The following FAM169A variants were observed in gnomAD, a reference collection of about 807,000 sequenced individuals.
FAM169A encodes the protein soluble lamin-associated protein of 75 kDa.
Under a neutral mutation model 75.7 loss-of-function variants are expected in FAM169A, and 24 were observed. That is an observed-to-expected ratio of 0.32 (90% confidence interval 0.23 to 0.45). FAM169A has a LOEUF of 0.45. Ranked by LOEUF, FAM169A falls within the 20% of genes least tolerant of loss-of-function variation. The pLI is 1.00. For missense variants in FAM169A, 673 were observed against 784.0 expected (o/e 0.86, Z 1.69); for synonymous variants, 271 against 271.0 (o/e 1.00, Z 0.00).
In FAM169A at chr5:74,796,123, C is replaced by G. The variant is rs1299282572; in HGVS notation, c.1167G>C (p.Gln389His). The part of the protein sequence containing the change: ...SEEFLEEEPE[Q>H]RGIEFEDESS... ...TTTCATCCTCAAATTCAATCCCTCT[C>G]TGTTCAGGTTCTTCTTCCAGGAATT... Residue 389 changes from glutamine to histidine, a missense_variant, in exon 11 of 13, where the codon CAG (glutamine) becomes CAC (histidine). Around this residue, in one of 3 missense-constraint regions of FAM169A, gnomAD observed 510 missense variants for 550.9 expected, o/e 0.93. Transcript: ENST00000687041. 6.2e-7 allele frequency: 1 copy of G among 1,614,128 alleles called. No individual in the cohort carries two copies. The highest frequency in any genetic ancestry group is 2.2e-5 in the East Asian group (1 of 44,874).
At chr5:74,831,459 A>G (rs1748306937) in intron 5 of FAM169A, among the ~76,000 whole-genome samples, 1 of 152,138 alleles carries the variant, frequency 6.6e-6, no homozygotes, top group African/African-American at 2.4e-5. Context: ...ATAGAGAGTA[A>G]CTAAGGTACA....
chr5:74,782,071 G>T, intron 12 of FAM169A, 63 bp from the exon 13 acceptor site: 1 of 1,281,256 alleles, frequency 7.8e-7, no homozygotes, highest in Non-Finnish European at 1.1e-6. Flanking sequence ...TAAATTCTCA[G>T]GCTCTAATAT....
At chr5:74,838,099 A>G (rs1263578246) in intron 4 of FAM169A, among the ~76,000 whole-genome samples, 1 of 143,390 alleles carries the variant, frequency 7.0e-6, no homozygotes, top group Non-Finnish European at 1.5e-5. Context: ...AGGCGACAAG[A>G]GCGAAACTCC....
intron 1 of FAM169A, among the ~76,000 whole-genome samples, chr5:74,860,827 TAAAAAAA>T (rs11293001): frequency 1.4e-5 from 1 of 71,658 alleles, no homozygotes; most frequent in East Asian, 4.0e-4. Context: ...AATGTAGCAC[TAAAAAAA>T]AAAAAAAAAA....
intron 6 of FAM169A, among the ~76,000 whole-genome samples, chr5:74,805,525 T>A: frequency 1.4e-5 from 1 of 72,854 alleles, no homozygotes; most frequent in South Asian, 3.9e-4. Context: ...TGTGCTTCGC[T>A]TTTTTTTTTT....
intron 6 of FAM169A, among the ~76,000 whole-genome samples, chr5:74,811,316 TTTATCA>T (rs1049590052): frequency 6.6e-6 from 1 of 152,192 alleles, no homozygotes; most frequent in African/African-American, 2.4e-5. Flanking sequence ...ATTCAATTTA[TTTATCA>T]TTAGAATCAC....
At chr5:74,826,019 C>T (rs1012937867) in intron 5 of FAM169A, among the ~76,000 whole-genome samples, 15 of 152,030 alleles carry the variant, frequency 9.9e-5, no homozygotes, top group African/African-American at 2.7e-4. Flanking sequence ...CCTCCTGAAA[C>T]ATGTATTATT....
chr5:74,829,341 A>T (rs1173055178), intron 5 of FAM169A, among the ~76,000 whole-genome samples: 1 of 152,178 alleles, frequency 6.6e-6, no homozygotes, highest in Non-Finnish European at 1.5e-5. Flanking sequence ...CATAAGATAA[A>T]GGTATTTGTG....
chr5:74,792,706 A>G (rs1376094156), intron 11 of FAM169A, among the ~76,000 whole-genome samples: 1 of 152,188 alleles, frequency 6.6e-6, no homozygotes, highest in Non-Finnish European at 1.5e-5. Context: ...CAAAACCACA[A>G]TTTGATACCA....
intron 11 of FAM169A, among the ~76,000 whole-genome samples, chr5:74,784,340 T>C (rs527403450): frequency 3.7e-4 from 56 of 151,262 alleles, no homozygotes; most frequent in Admixed American, 9.9e-4. Context: ...TGAAACCCGC[T>C]CTCTACTAAA....
chr5:74,816,039 C>A (rs1747452067), intron 5 of FAM169A, among the ~76,000 whole-genome samples: 1 of 152,184 alleles, frequency 6.6e-6, no homozygotes, highest in Non-Finnish European at 1.5e-5. Context: ...TATGGACTTG[C>A]CCTGAATTCT....
At chr5:74,799,158 C>A in intron 10 of FAM169A, 1 of 1,060,484 alleles carries the variant, frequency 9.4e-7, no homozygotes, top group Non-Finnish European at 1.5e-6. Flanking sequence ...ATGGACACAT[C>A]ACAGATATTG....
At chr5:74,810,488 G>A (rs942359865) in intron 6 of FAM169A, among the ~76,000 whole-genome samples, 2 of 152,036 alleles carry the variant, frequency 1.3e-5, no homozygotes, top group Admixed American at 6.6e-5. Context: ...GGTGGCTCAC[G>A]CCTGTAATCC....
chr5:74,815,026 C>G (rs112916701), intron 5 of FAM169A, among the ~76,000 whole-genome samples: 1 of 152,030 alleles, frequency 6.6e-6, no homozygotes, highest in African/African-American at 2.4e-5. Flanking sequence ...ATGAGCTGAT[C>G]AATATAACAA....
chr5:74,841,769 A>G (rs1748879224), intron 1 of FAM169A, 90 bp from the exon 2 acceptor site: 1 of 1,116,948 alleles, frequency 9.0e-7, no homozygotes, highest in Non-Finnish European at 1.2e-6. Flanking sequence ...CAATGTTGCC[A>G]TATTTTGTTA....
At chr5:74,796,447 C>T (rs1195492080) in intron 10 of FAM169A, among the ~76,000 whole-genome samples, 1 of 151,614 alleles carries the variant, frequency 6.6e-6, no homozygotes, top group Non-Finnish European at 1.5e-5. Context: ...GCTCTGTTGC[C>T]CAGGCTGGAG....
At position 74,800,113 on chromosome 5, in the gene FAM169A, C is replaced by T. The variant is rs1746491361; in HGVS notation, c.1103+767G>A. On this transcript the variant is annotated intron_variant, in intron 10 of 12. Coordinates refer to ENST00000687041, the MANE Select transcript of FAM169A (RefSeq NM_001376049.1). ...AGCCTCCGCCATCCAGCGTGACAAA[C>T]TATGGCTGACTGCAGCTGTGCCGTG... 3 of 579,380 alleles carry T rather than the reference C, an allele frequency of 5.2e-6. No individual in the cohort carries two copies. The Admixed American group carries it at 6.5e-5, about 13-fold the overall frequency. 35.9% of individuals were successfully genotyped at this position (579,380 alleles called of 1,614,324 possible).
At chr5:74,811,865 T>A (rs1003464957) in intron 6 of FAM169A, among the ~76,000 whole-genome samples, 1 of 152,244 alleles carries the variant, frequency 6.6e-6, no homozygotes, top group Non-Finnish European at 1.5e-5. Context: ...AACTGTAGAA[T>A]TCATACAGTA....
At chr5:74,783,425 A>G (rs763622354) in intron 11 of FAM169A, among the ~76,000 whole-genome samples, 11 of 152,212 alleles carry the variant, frequency 7.2e-5, no homozygotes, top group Non-Finnish European at 1.3e-4. Context: ...ATTCAATGAA[A>G]AGACCCTACC....
Sources: allele counts gnomAD v4.1 joint callset (sites outside exome capture counted in the v4.1 genomes callset), GRCh38; gene constraint gnomAD v4.1.1; regional missense constraint gnomAD v4.1.1; transcripts MANE v1.5; gene names NCBI Gene and HGNC (gene_info 2026-07-23, HGNC 2026-07-21).